The following SAG variants were observed in gnomAD, a reference collection of about 807,000 sequenced individuals.
SAG encodes the protein S-arrestin.
In SAG, 45 loss-of-function variants were observed where a neutral mutation model predicts 55.0. That is an observed-to-expected ratio of 0.82 (90% CI 0.64 to 1.05). The LOEUF (loss-of-function observed/expected upper bound fraction) is 1.05. Among genes scored for constraint, SAG ranks in the 50% least tolerant of loss-of-function variants. The pLI is 0.00. For missense variants in SAG, 455 were observed against 512.1 expected, an observed-to-expected ratio of 0.89 and a Z score of 1.08; for synonymous variants, 189 against 197.4, an observed-to-expected ratio of 0.96 and a Z score of 0.36.
chr2:233,343,485 T>C, intron 14 of SAG: 1 of 238,072 alleles, frequency 4.2e-6, no homozygotes, highest in Non-Finnish European at 8.4e-6. Context: ...ATTTGAATTA[T>C]AAATCTACTG....
At chr2:233,337,579 T>C (rs13028996) in intron 11 of SAG, among the ~76,000 whole-genome samples, 95,344 of 151,982 alleles carry the variant, frequency 0.63, 30,293 homozygotes, top group South Asian at 0.73. Context: ...GCCAGTGAGC[T>C]GAAGGAGCTC....
chr2:233,330,937 T>G (rs1294800862), intron 9 of SAG, among the ~76,000 whole-genome samples: 1 of 152,058 alleles, frequency 6.6e-6, no homozygotes, highest in Non-Finnish European at 1.5e-5. Flanking sequence ...TTTGGCTGAG[T>G]GCAGTGGTTC....
In SAG at chr2:233,340,458, T is replaced by C. The variant is rs537813970; in HGVS notation, c.1026T>C (p.Phe342=). ...GGCGTTTGTTTGTGTTTTCTAGCTT[T>C]CTGGGAGAGCTCACCTCCAGGTAAG... The part of the protein sequence containing the change: ...QIKVKLTVSG[F]LGELTSSEVA... Residue 342 remains phenylalanine (F), a synonymous_variant, in exon 13 of 16, where the codon TTT becomes TTC. Transcript: ENST00000409110. The surrounding 1 kb of genome is among the most constrained non-coding windows in gnomAD (Gnocchi z 4.2). 6.2e-7 allele frequency: 1 copy of C among 1,611,412 alleles called. No individual in the cohort carries two copies. The highest frequency in any genetic ancestry group is 1.3e-5 in the African/African-American group (1 of 75,018).
chr2:233,309,085 A>G (rs1700008092), intron 1 of SAG, 77 bp from the exon 2 acceptor site: 1 of 826,490 alleles, frequency 1.2e-6, no homozygotes, highest in Non-Finnish European at 2.0e-6. Context: ...AGGTTTCATA[A>G]CTAGGATGTT....
At chr2:233,334,859 T>A (rs1700871660) in intron 10 of SAG, 103 bp from the exon 11 acceptor site, 1 of 1,398,958 alleles carries the variant, frequency 7.1e-7, no homozygotes, top group South Asian at 1.2e-5. Flanking sequence ...AGGAGGTCCA[T>A]CAGGGGATGT....
At chr2:233,343,712 C>T (rs547514008) in intron 14 of SAG, 26 of 1,211,300 alleles carry the variant, frequency 2.1e-5, no homozygotes, top group African/African-American at 1.3e-4. Context: ...GCTTAGTTGA[C>T]GGGAAAGAAA....
intron 3 of SAG, among the ~76,000 whole-genome samples, chr2:233,316,693 A>G (rs900939953): frequency 6.6e-6 from 1 of 152,216 alleles, no homozygotes; most frequent in Non-Finnish European, 1.5e-5. Context: ...GCAGTACAAA[A>G]AGCAAGATCC....
intron 8 of SAG, chr2:233,328,831 C>T (rs1700656413): frequency 2.1e-6 from 1 of 485,572 alleles, no homozygotes. Context: ...GCTTGCGTTC[C>T]ACCCACTGGC....
chr2:233,335,598 C>T (rs960651529), intron 11 of SAG, among the ~76,000 whole-genome samples: 38 of 152,126 alleles, frequency 2.5e-4, no homozygotes, highest in African/African-American at 8.5e-4. Flanking sequence ...TTCATTCATT[C>T]GTCCATTTCC....
intron 2 of SAG, among the ~76,000 whole-genome samples, 154 bp from the exon 3 acceptor site, chr2:233,315,921 C>T (rs1322831002): frequency 6.6e-6 from 1 of 151,772 alleles, no homozygotes; most frequent in South Asian, 2.1e-4. Flanking sequence ...TGGCCAGGCT[C>T]AAACTCCTGA....
Position 233,325,203 on chromosome 2 carries a change from C to CAAA in SAG, c.436-1902_436-1900dup, listed in dbSNP as rs3085261. 6.6e-3 allele frequency among the ~76,000 whole-genome samples: 853 copies of CAAA among 128,466 alleles called. 18 individuals are homozygous for CAAA. Among genetic ancestry groups the CAAA allele is most frequent in the African/African-American group, 0.022 (728 of 33,464 alleles). The allele number at this position is 128,466 out of a possible 152,430, so 84.3% of individuals were successfully genotyped here. On this transcript the variant is annotated intron_variant, in intron 6 of 15. Transcript: ENST00000409110. The stretch of plus-strand genomic sequence containing the variant: ...TGGGCATTAGAGCAAGGCTCCATCT[C>CAAA]AAAAAAAAAAAAAAAAAATTAGCTG...
chr2:233,334,649 C>T (rs943271967), intron 10 of SAG: 1 of 266,358 alleles, frequency 3.8e-6, no homozygotes, highest in African/African-American at 2.2e-5. Flanking sequence ...CACAAAGTCT[C>T]AGGAGGAGGC....
intron 9 of SAG, among the ~76,000 whole-genome samples, chr2:233,329,788 T>C (rs1189428464): frequency 6.6e-6 from 1 of 152,230 alleles, no homozygotes; most frequent in Non-Finnish European, 1.5e-5. Context: ...CTGGTTTTTG[T>C]CTTGGAACAA....
intron 3 of SAG, among the ~76,000 whole-genome samples, chr2:233,317,303 C>A (rs1459195885): frequency 6.6e-6 from 1 of 152,218 alleles, no homozygotes; most frequent in Non-Finnish European, 1.5e-5. Flanking sequence ...TGTGGTAGCT[C>A]CAAACCGGAA....
intron 9 of SAG, among the ~76,000 whole-genome samples, chr2:233,330,083 C>T (rs1422943176): frequency 2.0e-5 from 3 of 152,208 alleles, no homozygotes; most frequent in East Asian, 1.9e-4. Context: ...CTTCCCATAT[C>T]CTACAGGGGA....
intron 6 of SAG, 62 bp from the exon 7 acceptor site, chr2:233,327,059 C>A (rs1460406253): frequency 4.5e-6 from 6 of 1,328,148 alleles, no homozygotes. Flanking sequence ...GTGTGGCCCT[C>A]TGGCCCGGCA....
At chr2:233,309,758 G>A (rs1190124776) in intron 2 of SAG, among the ~76,000 whole-genome samples, 2 of 152,234 alleles carry the variant, frequency 1.3e-5, no homozygotes, top group Non-Finnish European at 2.9e-5. Context: ...TGCAGAAATA[G>A]AGCTTCTCTT....
intron 6 of SAG, among the ~76,000 whole-genome samples, chr2:233,326,514 G>A (rs1700560350): frequency 6.6e-6 from 1 of 151,790 alleles, no homozygotes. Context: ...GAACTCGGGA[G>A]GCGGAGGTTG....
At chr2:233,331,266 G>T (rs929463866) in intron 9 of SAG, among the ~76,000 whole-genome samples, 3 of 152,138 alleles carry the variant, frequency 2.0e-5, no homozygotes, top group South Asian at 2.1e-4. Context: ...TATCCACCAC[G>T]TTCCACCCAC....
Sources: allele counts gnomAD v4.1 joint callset (sites outside exome capture counted in the v4.1 genomes callset), GRCh38; gene constraint gnomAD v4.1.1; non-coding constraint Gnocchi (gnomAD v3.1); transcripts MANE v1.5; gene names NCBI Gene and HGNC (gene_info 2026-07-23, HGNC 2026-07-21).